ATP6V1B2: variants seen among roughly 807,000 people sequenced by gnomAD.
The protein encoded by ATP6V1B2 is V-type proton ATPase subunit B, brain isoform.
Under a neutral mutation model 66.7 loss-of-function variants are expected in ATP6V1B2, and 23 were observed. That is an observed-to-expected ratio of 0.34 (90% CI 0.25 to 0.49). ATP6V1B2 has a LOEUF of 0.49. Among genes scored for constraint, ATP6V1B2 ranks in the 20% least tolerant of loss-of-function variants. The pLI is 0.99. For synonymous variants in ATP6V1B2, 278 were observed against 236.7 expected, an observed-to-expected ratio of 1.17 and a Z score of -1.60; for missense variants, 478 against 650.8, an observed-to-expected ratio of 0.73 and a Z score of 2.89.
Position 20,211,271 on chromosome 8 carries a change from G to T in ATP6V1B2, c.558G>T (p.Gly186=), listed in dbSNP as rs760933835. Residue 186 remains glycine, a synonymous_variant, in exon 6 of 14, where the codon GGG becomes GGT. Transcript: ENST00000276390. ...AIDGMNSIAR[G]QKIPIFSAAG... is the part of the protein sequence containing the mutation. ...ATGGGATGAACAGTATTGCTAGGGG[G>T]CAGAAAATTCCTATCTTCTCTGCTG... 2.5e-6 allele frequency: 4 copies of T among 1,613,022 alleles called. No individual in the cohort carries two copies. The highest frequency in any genetic ancestry group is 1.3e-5 in the African/African-American group (1 of 74,840).
At chr8:20,199,742 C>T (rs1289139150) in intron 1 of ATP6V1B2, among the ~76,000 whole-genome samples, 1 of 151,272 alleles carries the variant, frequency 6.6e-6, no homozygotes, top group South Asian at 2.1e-4. Flanking sequence ...TTTCGAGTAG[C>T]TGGGACTACG....
At chr8:20,203,839 G>T (rs2072710790) in intron 1 of ATP6V1B2, 1 of 359,922 alleles carries the variant, frequency 2.8e-6, no homozygotes, top group African/African-American at 2.2e-5. Flanking sequence ...TTTTTTAAAA[G>T]GATCCTTTTC....
chr8:20,210,761 G>A (rs2072785598), intron 5 of ATP6V1B2, 115 bp downstream of exon 5: 7 of 576,106 alleles, frequency 1.2e-5, no homozygotes, highest in Admixed American at 3.1e-5. Context: ...TAGGCAACAC[G>A]CTCCATAGGT....
In ATP6V1B2 at chr8:20,221,355, T is replaced by C. The variant is rs2072904899; in HGVS notation, c.*953T>C. 1 of 152,404 alleles carries C rather than the reference T, an allele frequency of 6.6e-6. No homozygotes were observed. Among genetic ancestry groups the C allele is most frequent in the Non-Finnish European group, 1.5e-5 (1 of 68,044 alleles). The allele number at this position is 152,404 out of a possible 1,614,324, so 9.4% of individuals were successfully genotyped here. ...TGAAAATCCCCAATTTGGTTCTGCT[T>C]TTTGACCTCTCTCTACCTTTTCAGG... On this transcript the variant is annotated 3_prime_UTR_variant, in exon 14 of 14. Transcript: ENST00000276390.
intron 1 of ATP6V1B2, 88 bp from the exon 2 acceptor site, chr8:20,204,396 C>A (rs913030307): frequency 6.9e-6 from 8 of 1,164,006 alleles, no homozygotes; most frequent in Non-Finnish European, 1.0e-5. Flanking sequence ...GACATGATAA[C>A]GTAGAAAGGA....
intron 1 of ATP6V1B2, among the ~76,000 whole-genome samples, chr8:20,200,074 GT>G (rs2072669948): frequency 6.6e-6 from 1 of 151,770 alleles, no homozygotes. Flanking sequence ...GTGAGCTCAG[GT>G]CACTGCAACC....
chr8:20,209,590 C>A, intron 3 of ATP6V1B2, 59 bp downstream of exon 3: 1 of 1,446,250 alleles, frequency 6.9e-7, no homozygotes, highest in Non-Finnish European at 9.7e-7. Context: ...GGGAACACTG[C>A]TTGTTTCTTT....
In ATP6V1B2 at chr8:20,209,070, A is replaced by G. The variant is rs546281893; in HGVS notation, c.193-363A>G. On this transcript the variant is annotated intron_variant, in intron 2 of 13. Coordinates refer to ENST00000276390, the MANE Select transcript of ATP6V1B2 (RefSeq NM_001693.4). Reference sequence around the variant, plus strand: ...ATCTGGAGCACACAGTTGATTACACACACAGCCTAGAAAGCAATCATCATT... The same window carrying G: ...ATCTGGAGCACACAGTTGATTACACGCACAGCCTAGAAAGCAATCATCATT... Among the ~76,000 whole-genome samples the G allele has an allele frequency of 7.2e-5, 11 of 152,124 alleles. No individual in the cohort carries two copies. The South Asian group carries it at 2.3e-3, about 32-fold the overall frequency.
chr8:20,197,645 T>A, intron 1 of ATP6V1B2, 103 bp downstream of exon 1: 1 of 1,260,708 alleles, frequency 7.9e-7, no homozygotes, highest in Non-Finnish European at 1.0e-6. Flanking sequence ...GATTTGTTTT[T>A]CCCTCCCGCG....
At chr8:20,211,916 T>G (rs1225593442) in intron 7 of ATP6V1B2, among the ~76,000 whole-genome samples, 163 bp downstream of exon 7, 3 of 152,212 alleles carry the variant, frequency 2.0e-5, no homozygotes, top group Non-Finnish European at 4.4e-5. Context: ...TTGACTAATT[T>G]GAAATTTAAG....
Position 20,217,110 on chromosome 8 carries a change from G to A in ATP6V1B2, c.1162-110G>A, listed in dbSNP as rs941605751. The A allele has an allele frequency of 1.9e-5, 17 of 900,010 alleles. No individual in the cohort carries two copies. The Admixed American group carries it at 2.0e-4, about 11-fold the overall frequency. The allele number at this position is 900,010 out of a possible 1,614,324, so 55.8% of individuals were successfully genotyped here. A position where few individuals can be genotyped will look rare whatever the true frequency, so the allele number is the denominator to read the frequency against. ...ATTCATCTAGGAGACAAATGCAGCG[G>A]TTGTCTTTGATTTAAGTTGTAATAA... is the stretch of plus-strand genomic sequence containing the variant. On this transcript the variant is annotated intron_variant, in intron 11 of 13. Transcript: ENST00000276390.
At chr8:20,203,337 C>A (rs916641731) in intron 1 of ATP6V1B2, among the ~76,000 whole-genome samples, 2 of 152,176 alleles carry the variant, frequency 1.3e-5, no homozygotes, top group Non-Finnish European at 2.9e-5. Flanking sequence ...TGCTCTGTCC[C>A]AGCATTTTTA....
intron 11 of ATP6V1B2, 64 bp from the exon 12 acceptor site, chr8:20,217,156 A>T: frequency 4.5e-6 from 6 of 1,319,842 alleles, no homozygotes; most frequent in Non-Finnish European, 5.4e-6. Context: ...ATGTTTTTTT[A>T]TTACCAGTAA....
intron 12 of ATP6V1B2, among the ~76,000 whole-genome samples, 164 bp downstream of exon 12, chr8:20,217,488 C>T (rs2072867815): frequency 6.6e-6 from 1 of 152,178 alleles, no homozygotes; most frequent in Non-Finnish European, 1.5e-5. Context: ...CCAAAGCAGC[C>T]TTTTCCCATA....
intron 2 of ATP6V1B2, among the ~76,000 whole-genome samples, chr8:20,207,782 A>G (rs144946148): frequency 1.4e-4 from 21 of 152,160 alleles, no homozygotes; most frequent in African/African-American, 4.8e-4. Flanking sequence ...ATTAAAAGAT[A>G]TGAAGGAGAG....
At chr8:20,205,526 A>C (rs530650649) in intron 2 of ATP6V1B2, among the ~76,000 whole-genome samples, 1 of 152,210 alleles carries the variant, frequency 6.6e-6, no homozygotes, top group Non-Finnish European at 1.5e-5. Context: ...GACCTAAAAA[A>C]GTTTCATTGA....
intron 1 of ATP6V1B2, among the ~76,000 whole-genome samples, chr8:20,204,253 A>G (rs1461622042): frequency 6.6e-6 from 1 of 152,184 alleles, no homozygotes; most frequent in Non-Finnish European, 1.5e-5. Context: ...GGTGCTTACA[A>G]CAATGACTTA....
intron 3 of ATP6V1B2, 77 bp from the exon 4 acceptor site, chr8:20,210,269 T>C (rs759067977): frequency 1.1e-5 from 14 of 1,244,558 alleles, no homozygotes; most frequent in Non-Finnish European, 1.6e-5. Flanking sequence ...ATAAGGGCTG[T>C]TTAACAGACA....
Position 20,216,625 on chromosome 8 carries a change from TA to T in ATP6V1B2, c.1161+134del, listed in dbSNP as rs935860871. On this transcript the variant is annotated intron_variant, in intron 11 of 13. Transcript: ENST00000276390. ...ACTTGAATTGTTTTTAATATGGTTA[TA>T]AAATTGTCATTTCTATTATCTTAAA... 5.2e-6 allele frequency: 4 copies of T among 773,824 alleles called. No individual in the cohort carries two copies. In the Admixed American group the frequency reaches 1.2e-4, roughly 24 times the overall value. 47.9% of individuals were successfully genotyped at this position (773,824 alleles called of 1,614,324 possible).
Sources: allele counts gnomAD v4.1 joint callset (sites outside exome capture counted in the v4.1 genomes callset), GRCh38; gene constraint gnomAD v4.1.1; transcripts MANE v1.5; gene names NCBI Gene and HGNC (gene_info 2026-07-23, HGNC 2026-07-21).